The following LPAR1 variants were observed in gnomAD, a reference collection of about 807,000 sequenced individuals.
LPAR1 encodes LPA receptor 1.
In LPAR1, 5 loss-of-function variants were observed where a neutral mutation model predicts 23.8. The observed-to-expected ratio is 0.21, with a 90% CI of 0.11 to 0.44. The LOEUF is 0.44. LPAR1 is among the 20% of genes least tolerant of loss of function. The pLI is 0.99. For synonymous variants in LPAR1, 160 were observed against 164.7 expected (o/e 0.97, Z 0.22); for missense variants, 311 against 482.8 (o/e 0.64, Z 3.33).
intron 2 of LPAR1, among the ~76,000 whole-genome samples, chr9:111,034,221 A>C (rs2097852235): frequency 6.6e-6 from 1 of 152,166 alleles, no homozygotes; most frequent in Non-Finnish European, 1.5e-5. Flanking sequence ...TTGCCCTATC[A>C]TTTACAGAGG....
intron 4 of LPAR1, among the ~76,000 whole-genome samples, chr9:110,946,916 A>ATT (rs1190931444): frequency 3.9e-5 from 6 of 152,180 alleles, no homozygotes; most frequent in African/African-American, 9.6e-5. Flanking sequence ...AAACATATTA[A>ATT]TTTTCTCTTA....
At chr9:110,991,686 G>A (rs1366299565) in intron 2 of LPAR1, among the ~76,000 whole-genome samples, 2 of 152,006 alleles carry the variant, frequency 1.3e-5, no homozygotes, top group Non-Finnish European at 2.9e-5. Flanking sequence ...TTGGCTCACT[G>A]CAACCTCCGC....
At chr9:110,939,283 C>A (rs141755171) in intron 5 of LPAR1, among the ~76,000 whole-genome samples, 1 of 152,212 alleles carries the variant, frequency 6.6e-6, no homozygotes, top group Admixed American at 6.5e-5. Flanking sequence ...CTGCCCACAT[C>A]CTGCCCATTC....
intron 4 of LPAR1, among the ~76,000 whole-genome samples, chr9:110,957,258 G>A (rs1328269002): frequency 6.6e-6 from 1 of 150,846 alleles, no homozygotes; most frequent in African/African-American, 2.4e-5. Flanking sequence ...ATGGGAGGCT[G>A]AGGCAAGAGG....
intron 5 of LPAR1, among the ~76,000 whole-genome samples, chr9:110,921,674 A>G (rs1025518023): frequency 3.3e-5 from 5 of 152,352 alleles, no homozygotes; most frequent in Non-Finnish European, 7.3e-5. Flanking sequence ...TTGATACTCC[A>G]AGAAAAGGAG....
chr9:110,970,676 C>CCTCCTTCT (rs905728619), intron 4 of LPAR1, among the ~76,000 whole-genome samples: 1 of 151,970 alleles, frequency 6.6e-6, no homozygotes, highest in Admixed American at 6.6e-5. Context: ...TTTTCCCTCT[C>CCTCCTTCT]CTCCTTCTCT....
At chr9:110,902,156 G>A (rs12342832) in intron 5 of LPAR1, among the ~76,000 whole-genome samples, 11,530 of 151,952 alleles carry the variant, frequency 0.076, 562 homozygotes, top group Non-Finnish European at 0.11. Context: ...CCTCAATCTC[G>A]TAGCCAGCCC....
intron 5 of LPAR1, among the ~76,000 whole-genome samples, chr9:110,892,818 AAGGAAGGAAGGCAGGCAGGC>A (rs2084838652): frequency 1.4e-4 from 14 of 97,344 alleles, no homozygotes; most frequent in African/African-American, 6.0e-4. Flanking sequence ...GGAAGGAAGG[AAGGAAGGAAGGCAGGCAGGC>A]AGGCAGGCAG....
intron 2 of LPAR1, among the ~76,000 whole-genome samples, chr9:111,016,454 T>TA (rs1425049866): frequency 6.6e-6 from 1 of 152,190 alleles, no homozygotes; most frequent in Non-Finnish European, 1.5e-5. Flanking sequence ...ATTTAGCACA[T>TA]AGACTTCCAG....
intron 2 of LPAR1, among the ~76,000 whole-genome samples, chr9:110,995,053 G>T (rs1483349100): frequency 6.6e-6 from 1 of 152,160 alleles, no homozygotes; most frequent in Non-Finnish European, 1.5e-5. Context: ...AAAGGCAGAT[G>T]CTCCAGCAAT....
At chr9:110,929,681 G>A (rs1296442750) in intron 5 of LPAR1, among the ~76,000 whole-genome samples, 1 of 149,562 alleles carries the variant, frequency 6.7e-6, no homozygotes, top group Non-Finnish European at 1.5e-5. Flanking sequence ...CTAAAATGCT[G>A]TATTTCCCAG....
intron 2 of LPAR1, among the ~76,000 whole-genome samples, chr9:110,977,826 G>GGAA (rs1588651256): frequency 3.2e-5 from 3 of 95,174 alleles, no homozygotes; most frequent in African/African-American, 1.7e-4. Flanking sequence ...GAGGGCGGGA[G>GGAA]GGAGGGAGGG....
At chr9:111,019,604 G>T (rs1259174317) in intron 2 of LPAR1, among the ~76,000 whole-genome samples, 1 of 152,178 alleles carries the variant, frequency 6.6e-6, no homozygotes, top group East Asian at 1.9e-4. Context: ...TTGGGAGGCC[G>T]AGGCGGGCAG....
At chr9:110,932,219 G>A (rs4978969) in intron 5 of LPAR1, among the ~76,000 whole-genome samples, 96,358 of 152,052 alleles carry the variant, frequency 0.63, 31,960 homozygotes, top group East Asian at 0.97. Context: ...TAGTCATTCA[G>A]CAAATATCTA....
intron 2 of LPAR1, among the ~76,000 whole-genome samples, chr9:111,029,731 C>A (rs567480596): frequency 6.6e-6 from 1 of 151,856 alleles, no homozygotes; most frequent in Admixed American, 6.6e-5. Context: ...GAGCGGGGAC[C>A]GTACTTTCTT....
intron 2 of LPAR1, among the ~76,000 whole-genome samples, chr9:110,991,573 GTTTGTTTTGTT>G (rs1288751388): frequency 6.9e-6 from 1 of 145,388 alleles, no homozygotes; most frequent in Non-Finnish European, 1.5e-5. Flanking sequence ...AATCTTTCTG[GTTTGTTTTGTT>G]GTTGTTGTTG....
chr9:110,986,570 A>G (rs943674256), intron 2 of LPAR1, among the ~76,000 whole-genome samples: 7 of 151,982 alleles, frequency 4.6e-5, no homozygotes, highest in African/African-American at 1.7e-4. Flanking sequence ...AAAAATTTAA[A>G]AAGTTAACTA....
At chr9:110,993,687 A>G (rs571471054) in intron 2 of LPAR1, among the ~76,000 whole-genome samples, 1 of 152,338 alleles carries the variant, frequency 6.6e-6, no homozygotes, top group South Asian at 2.1e-4. Context: ...GTGATATCCC[A>G]ATAACAATGA....
At chr9:110,942,655 A>G (rs1347003656) in intron 4 of LPAR1, among the ~76,000 whole-genome samples, 1 of 152,202 alleles carries the variant, frequency 6.6e-6, no homozygotes, top group Non-Finnish European at 1.5e-5. Context: ...TTTGTAATGC[A>G]GGTTCCCACA....
Sources: allele counts gnomAD v4.1 joint callset (sites outside exome capture counted in the v4.1 genomes callset), GRCh38; gene constraint gnomAD v4.1.1; transcripts MANE v1.5; gene names NCBI Gene and HGNC (gene_info 2026-07-23, HGNC 2026-07-21).